The following TRIM14 variants were observed in gnomAD, a reference collection of about 807,000 sequenced individuals.
TRIM14 encodes tripartite motif-containing protein 14.
TRIM14 carries 28 observed loss-of-function variants against 44.5 expected under a neutral mutation model. The ratio of observed to expected loss-of-function variants is 0.63; its 90% confidence interval spans 0.47 to 0.86. The LOEUF (loss-of-function observed/expected upper bound fraction) is 0.86, where lower values mean the gene tolerates loss of function less well. Ranked by LOEUF, TRIM14 falls within the 40% of genes least tolerant of loss-of-function variation. The pLI is 0.00. For missense variants in TRIM14, 607 were observed against 611.1 expected (o/e 0.99, Z 0.07); for synonymous variants, 299 against 269.2 (o/e 1.11, Z -1.08).
At chr9:98,062,584 C>A in the TRIM14 span, among the ~76,000 whole-genome samples, 2 of 152,084 alleles carry the variant, frequency 1.3e-5, no homozygotes, top group African/African-American at 4.8e-5. Flanking sequence ...TTTTTATATT[C>A]TTGTTTTATT....
At chr9:98,038,719 C>T in the TRIM14 span, among the ~76,000 whole-genome samples, 22 of 152,050 alleles carry the variant, frequency 1.4e-4, no homozygotes, top group Non-Finnish European at 1.9e-4. Flanking sequence ...GATCAGAGTC[C>T]GCTGCTCAGC....
the TRIM14 span, chr9:98,056,610 GCCCCGC>G: frequency 1.3e-6 from 1 of 761,254 alleles, no homozygotes; most frequent in Non-Finnish European, 2.0e-6. Context: ...CCCGCGGGAG[GCCCCGC>G]CCCCGCCCCC....
At chr9:98,097,086 C>T (rs1826213170) in intron 3 of TRIM14, among the ~76,000 whole-genome samples, 1 of 152,118 alleles carries the variant, frequency 6.6e-6, no homozygotes, top group Non-Finnish European at 1.5e-5. Flanking sequence ...CTCAGCTCTT[C>T]CAGGGGCTGA....
chr9:98,054,921 A>G, the TRIM14 span, among the ~76,000 whole-genome samples: 9 of 152,230 alleles, frequency 5.9e-5, no homozygotes, highest in Non-Finnish European at 1.3e-4. Context: ...TGCAATAGAG[A>G]GAGTAATTCA....
the TRIM14 span, among the ~76,000 whole-genome samples, chr9:98,055,336 T>G: frequency 6.6e-6 from 1 of 152,216 alleles, no homozygotes; most frequent in Admixed American, 6.5e-5. Context: ...TCAGAGTTTT[T>G]AAGGATAATG....
downstream of TRIM14, chr9:98,081,674 A>T (rs1457589090): frequency 6.6e-6 from 1 of 152,354 alleles, no homozygotes; most frequent in Non-Finnish European, 1.5e-5. Flanking sequence ...CGTGGCCTGG[A>T]CCTTCTTGCC....
intron 6 of TRIM14, chr9:98,076,893 G>A: frequency 6.3e-7 from 1 of 1,575,224 alleles, no homozygotes; most frequent in Non-Finnish European, 8.7e-7. Context: ...ATGGTGAAAA[G>A]GAGCTCCCTC....
At chr9:98,115,442 G>T (rs1827015145) in intron 1 of TRIM14, among the ~76,000 whole-genome samples, 1 of 152,162 alleles carries the variant, frequency 6.6e-6, no homozygotes, top group Non-Finnish European at 1.5e-5. Context: ...GTAGAGATAG[G>T]TTTCACCATG....
rs1424452993 is a variant in TRIM14 at position 98,086,612 on chromosome 9, C to G, written c.*858G>C. ...AGATTCTTGTTCCTTGGTTAGACTT[C>G]CTGGCGCAGGTAAGCCTGCGGAAGA... On this transcript the variant is annotated 3_prime_UTR_variant, in exon 6 of 6. Coordinates refer to ENST00000341469, the MANE Select transcript of TRIM14 (RefSeq NM_014788.4). 2.0e-5 allele frequency: 3 copies of G among 152,132 alleles called. No individual in the cohort carries two copies. The highest frequency in any genetic ancestry group is 7.2e-5 in the African/African-American group (3 of 41,396). 9.4% of individuals were successfully genotyped at this position (152,132 alleles called of 1,614,324 possible).
At chr9:98,106,893 C>T (rs1826635675) in intron 2 of TRIM14, among the ~76,000 whole-genome samples, 1 of 145,788 alleles carries the variant, frequency 6.9e-6, no homozygotes, top group African/African-American at 2.6e-5. Flanking sequence ...TGGGTATGGT[C>T]ATTGCTCACT....
At chr9:98,048,925 CA>C in the TRIM14 span, among the ~76,000 whole-genome samples, 6 of 150,788 alleles carry the variant, frequency 4.0e-5, no homozygotes, top group Non-Finnish European at 8.9e-5. Flanking sequence ...GGAGGCGAGA[CA>C]GGAGAATTGC....
the TRIM14 span, among the ~76,000 whole-genome samples, chr9:98,038,720 G>A: frequency 2.6e-5 from 4 of 152,060 alleles, no homozygotes; most frequent in Non-Finnish European, 5.9e-5. Context: ...ATCAGAGTCC[G>A]CTGCTCAGCC....
intron 5 of TRIM14, among the ~76,000 whole-genome samples, chr9:98,090,491 G>A (rs1320605973): frequency 2.0e-5 from 3 of 151,772 alleles, no homozygotes; most frequent in African/African-American, 7.3e-5. Context: ...ATCTGAAGGT[G>A]GTTACAAAAT....
Position 98,086,908 on chromosome 9 carries a change from T to C in TRIM14, c.*562A>G, listed in dbSNP as rs1022643781. 6.3e-6 allele frequency: 1 copy of C among 158,482 alleles called. No individual in the cohort carries two copies. Among genetic ancestry groups the C allele is most frequent in the Admixed American group, 6.4e-5 (1 of 15,654 alleles). 9.8% of individuals were successfully genotyped at this position (158,482 alleles called of 1,614,324 possible). ...TAGGAAGATCACTCTAGTTTTAGGG[T>C]GGAAGATGAGGACTGGGAGAGGGTT... On this transcript the variant is annotated 3_prime_UTR_variant, in exon 6 of 6. Transcript: ENST00000341469.
downstream of TRIM14, chr9:98,082,891 A>T: frequency 6.2e-7 from 1 of 1,614,220 alleles, no homozygotes; most frequent in Admixed American, 1.7e-5. Flanking sequence ...GGAAGGCACC[A>T]TTCTAACAAT....
chr9:98,076,803 G>A (rs1829611548), intron 6 of TRIM14: 10 of 743,178 alleles, frequency 1.3e-5, no homozygotes, highest in South Asian at 1.0e-4. Context: ...GTTGCTGAGC[G>A]TCCCTCTACT....
At chr9:98,039,704 A>G in the TRIM14 span, among the ~76,000 whole-genome samples, 1 of 152,050 alleles carries the variant, frequency 6.6e-6, no homozygotes, top group African/African-American at 2.4e-5. Flanking sequence ...GCCCCGACCC[A>G]GGAACTGACT....
chr9:98,057,895 TCTTA>T, the TRIM14 span, among the ~76,000 whole-genome samples: 6 of 148,896 alleles, frequency 4.0e-5, no homozygotes, highest in African/African-American at 1.2e-4. Flanking sequence ...GGAGGTTTTC[TCTTA>T]CTGTTTTTTT....
chr9:98,097,175 T>C (rs1364215634), intron 3 of TRIM14, among the ~76,000 whole-genome samples: 1 of 152,060 alleles, frequency 6.6e-6, no homozygotes, highest in East Asian at 1.9e-4. Context: ...GCCTGGGCAA[T>C]AGAGTGAGAC....
Sources: gnomAD v4.1 joint callset for allele counts (sites outside exome capture counted in the v4.1 genomes callset) on GRCh38, gnomAD v4.1.1 for gene constraint, MANE v1.5 for transcripts, NCBI Gene and HGNC (gene_info 2026-07-23, HGNC 2026-07-21) for gene names.